The following CFAP46 variants were observed in gnomAD, a reference collection of about 807,000 sequenced individuals.
The protein encoded by CFAP46 is cilia- and flagella-associated protein 46.
In CFAP46, 245 loss-of-function variants were observed where a neutral mutation model predicts 325.7. That is an observed-to-expected ratio of 0.75 (90% CI 0.68 to 0.84). CFAP46 has a LOEUF of 0.84. CFAP46 is among the 40% of genes least tolerant of loss of function. CFAP46 has a pLI of 0.00. For synonymous variants in CFAP46, 1,523 were observed against 1,495.9 expected (o/e 1.02, Z -0.42); for missense variants, 3,346 against 3,543.0 (o/e 0.94, Z 1.41).
intron 31 of CFAP46, among the ~76,000 whole-genome samples, chr10:132,875,506 G>A (rs1373789812): frequency 6.6e-6 from 1 of 152,216 alleles, no homozygotes; most frequent in Non-Finnish European, 1.5e-5. Flanking sequence ...CTCAGTAATT[G>A]ACAATGAGAT....
chr10:132,922,665 GC>G lies in CFAP46; in HGVS notation c.1299del (p.Gln434ArgfsTer80). ...LLRCQVHMEMAQIEEDEDRLE... is the reference protein window; with the variant it reads ...LLRCQVHMEMXQIEEDEDRLE... ...AGCCGGTCCTCGTCCTCCTCGATCT[GC>G]GCCATCTCCATGTGCACTTGACAGC... On this transcript the variant is annotated frameshift_variant, in exon 12 of 58. Transcript: ENST00000368586. LOFTEE classifies it high-confidence loss of function. The G allele has an allele frequency of 1.9e-6, 3 of 1,549,962 alleles. No individual in the cohort carries two copies. The highest frequency in any genetic ancestry group is 2.6e-6 in the Non-Finnish European group (3 of 1,146,768).
rs192691289 is a variant in CFAP46, at chr10:132,935,990, T to C, written c.755+971A>G. Among the ~76,000 whole-genome samples the C allele has an allele frequency of 9.3e-4, 49 of 52,648 alleles. 1 individual carries two copies. Among genetic ancestry groups the C allele is most frequent in the African/African-American group, 3.0e-3 (34 of 11,454 alleles). The allele number at this position is 52,648 out of a possible 152,430, so 34.5% of individuals were successfully genotyped here. On this transcript the variant is annotated intron_variant, in intron 7 of 57. Coordinates refer to ENST00000368586, the MANE Select transcript of CFAP46 (RefSeq NM_001200049.3). ...ACTCCCCTCACATCCAAACACACTG[T>C]GATCTCCTCACTCCCCTCGGCACCC...
At position 132,913,816 on chromosome 10, in the gene CFAP46, GT is replaced by G. The variant is rs1564799121; in HGVS notation, c.2121-559del. Reference sequence around the variant, plus strand: ...CTGTGGGGGCTGCATGGGGCAGAGCGTCTCTGCCCCACCCCTCCACCCAGCC... The same window carrying G: ...CTGTGGGGGCTGCATGGGGCAGAGCGCTCTGCCCCACCCCTCCACCCAGCC... On this transcript the variant is annotated intron_variant, in intron 17 of 57. Coordinates refer to ENST00000368586, the MANE Select transcript of CFAP46 (RefSeq NM_001200049.3). Among the ~76,000 whole-genome samples the G allele has an allele frequency of 2.0e-4, 30 of 150,252 alleles. No homozygotes were observed. In the East Asian group the frequency reaches 5.0e-3, roughly 25 times the overall value.
At chr10:132,826,951 T>C (rs1848067306) in intron 50 of CFAP46, among the ~76,000 whole-genome samples, 1 of 152,192 alleles carries the variant, frequency 6.6e-6, no homozygotes, top group South Asian at 2.1e-4. Context: ...GGAGTGGCTC[T>C]CGGGTGGGTG....
At chr10:132,887,178 CCTCTTCTCT>C in intron 25 of CFAP46, among the ~76,000 whole-genome samples, 2 of 33,996 alleles carry the variant, frequency 5.9e-5, no homozygotes, top group African/African-American at 4.1e-4. Context: ...TTTCCTCTCC[CCTCTTCTCT>C]CTCTCCTCTC....
chr10:132,874,562 T>G (rs555084032), intron 31 of CFAP46, among the ~76,000 whole-genome samples: 167 of 87,714 alleles, frequency 1.9e-3, no homozygotes, highest in African/African-American at 7.4e-3. Flanking sequence ...AAAGCATTCA[T>G]GACTAAAATT....
At chr10:132,863,664 C>T (rs569547506) in intron 35 of CFAP46, among the ~76,000 whole-genome samples, 3 of 152,016 alleles carry the variant, frequency 2.0e-5, no homozygotes, top group South Asian at 4.2e-4. Flanking sequence ...GTGCACACAC[C>T]TGTTCTCAGT....
At chr10:132,854,846 ATCTC>A (rs1018457165) in intron 39 of CFAP46, among the ~76,000 whole-genome samples, 3 of 152,164 alleles carry the variant, frequency 2.0e-5, no homozygotes, top group African/African-American at 7.2e-5. Flanking sequence ...GGATTTATCT[ATCTC>A]TCTGTTTCTG....
At chr10:132,931,849 T>TTCC (rs1849912280) in intron 8 of CFAP46, among the ~76,000 whole-genome samples, 1 of 131,758 alleles carries the variant, frequency 7.6e-6, no homozygotes, top group Non-Finnish European at 1.6e-5. Context: ...AGCCTGGGCC[T>TTCC]CCTTACACTC....
At chr10:132,839,948 T>C (rs752803738) in intron 44 of CFAP46, among the ~76,000 whole-genome samples, 6 of 152,362 alleles carry the variant, frequency 3.9e-5, no homozygotes, top group South Asian at 4.1e-4. Context: ...TTTCTTGTAA[T>C]GTCCCTGCTA....
intron 50 of CFAP46, among the ~76,000 whole-genome samples, chr10:132,820,714 G>A (rs7394309): frequency 0.089 from 6,480 of 72,638 alleles, 278 homozygotes; most frequent in Non-Finnish European, 0.12. Context: ...CTGTGTGTGC[G>A]CTGATGTGTG....
chr10:132,821,402 T>C lies in CFAP46; in HGVS notation c.7118-6488A>G, dbSNP rs61728315. ...TGTGCACTGATGTGTGCTGTGTGTG[T>C]GCTGTGTGCTGTGTGAGCGCTGATG... On this transcript the variant is annotated intron_variant, in intron 50 of 57. Transcript: ENST00000368586. Among the ~76,000 whole-genome samples the C allele has an allele frequency of 1.6e-3, 210 of 131,740 alleles. 6 individuals carry two copies. The highest frequency in any genetic ancestry group is 9.1e-3 in the South Asian group (30 of 3,310). 86.4% of individuals were successfully genotyped at this position (131,740 alleles called of 152,430 possible). A position where few individuals can be genotyped will look rare whatever the true frequency, so the allele number is the denominator to read the frequency against.
intron 11 of CFAP46, 71 bp from the exon 12 acceptor site, chr10:132,922,779 A>G: frequency 7.9e-7 from 1 of 1,266,088 alleles, no homozygotes; most frequent in Non-Finnish European, 1.1e-6. Flanking sequence ...CACACCCTCC[A>G]GAGGAAGGCC....
intron 57 of CFAP46, among the ~76,000 whole-genome samples, chr10:132,809,576 T>C (rs1847536712): frequency 6.6e-6 from 1 of 152,134 alleles, no homozygotes; most frequent in Non-Finnish European, 1.5e-5. Flanking sequence ...GAGCGGTGGA[T>C]ACTGAAGGCC....
intron 27 of CFAP46, among the ~76,000 whole-genome samples, chr10:132,881,670 C>CTCCA (rs1849045249): frequency 1.4e-5 from 1 of 70,258 alleles, no homozygotes; most frequent in African/African-American, 3.2e-5. Flanking sequence ...CCTCCGCAGC[C>CTCCA]CTGCGAGCCG....
Position 132,857,598 on chromosome 10 carries a change from G to A in CFAP46, c.5566C>T (p.Leu1856Phe). 1.9e-6 allele frequency: 3 copies of A among 1,613,296 alleles called. No homozygotes were observed. In the African/African-American group the frequency reaches 4.0e-5, roughly 22 times the overall value. The change falls in exon 39 of 58, where the codon CTT becomes TTT. Residue 1856 changes from leucine (L) to phenylalanine (F), a missense_variant. Transcript: ENST00000368586. ...CCAGGACACCTGCTTACGTCTTGAA[G>A]TGACAATAGGCCCTGGACGCTGTGA... ...RLHSVQGLLS[L>F]QDLQNVNTPL...
intron 50 of CFAP46, among the ~76,000 whole-genome samples, chr10:132,821,629 TGTGCTGTGTGC>T (rs1847833776): frequency 7.2e-6 from 1 of 138,926 alleles, no homozygotes; most frequent in African/African-American, 2.8e-5. Context: ...GTGCTGTGTG[TGTGCTGTGTGC>T]TGTGTGAGTG....
intron 24 of CFAP46, chr10:132,898,640 T>G (rs1591079403): frequency 7.4e-6 from 3 of 407,604 alleles, no homozygotes; most frequent in South Asian, 6.2e-5. Context: ...CTGTCCTCCC[T>G]GCCTAGAATC....
At chr10:132,921,727 GGATGGCCCTGTGAGGATGCGGGGAGGA>G (rs961095612) in intron 13 of CFAP46, among the ~76,000 whole-genome samples, 31 of 152,330 alleles carry the variant, frequency 2.0e-4, no homozygotes, top group African/African-American at 7.5e-4. Flanking sequence ...CCCCCAGAGG[GGATGGCCCTGTGAGGATGCGGGGAGGA>G]GATGGCGTCC....
Sources: allele counts gnomAD v4.1 joint callset (sites outside exome capture counted in the v4.1 genomes callset), GRCh38; gene constraint gnomAD v4.1.1; transcripts MANE v1.5; gene names NCBI Gene and HGNC (gene_info 2026-07-23, HGNC 2026-07-21).